The following CNNM3 variants were observed in gnomAD, a reference collection of about 807,000 sequenced individuals.
The protein encoded by CNNM3 is metal transporter CNNM3.
CNNM3 carries 47 observed loss-of-function variants against 57.1 expected under a neutral mutation model. That is an observed-to-expected ratio of 0.82 (90% CI 0.65 to 1.05). The LOEUF (loss-of-function observed/expected upper bound fraction) is 1.05, where lower values mean the gene tolerates loss of function less well. CNNM3 is among the 50% of genes least tolerant of loss of function. The pLI, the probability that CNNM3 is intolerant of heterozygous loss-of-function variation, is 0.00. For missense variants in CNNM3, 957 were observed against 973.7 expected, an observed-to-expected ratio of 0.98 and a Z score of 0.23; for synonymous variants, 507 against 478.2, an observed-to-expected ratio of 1.06 and a Z score of -0.79.
At position 96,819,753 on chromosome 2, in the gene CNNM3, T is replaced by C. The variant is rs192267962; in HGVS notation, c.1225+2251T>C. Among the ~76,000 whole-genome samples, 6 of 152,218 alleles carry C rather than the reference T, an allele frequency of 3.9e-5. No individual in the cohort carries two copies. In the East Asian group the frequency reaches 1.2e-3, roughly 29 times the overall value. ...AGTTGAGCAGTCACCAAGCAGAGAT[T>C]TGGAGCAGCGGAGATGGAAGGGTTG... On this transcript the variant is annotated intron_variant, in intron 1 of 7. Transcript: ENST00000305510.
chr2:96,819,946 A>G (rs533767194), intron 1 of CNNM3, among the ~76,000 whole-genome samples: 1 of 152,274 alleles, frequency 6.6e-6, no homozygotes, highest in African/African-American at 2.4e-5. Flanking sequence ...TGGGGATTCC[A>G]CTTGGGGAAG....
intron 7 of CNNM3, 102 bp downstream of exon 7, chr2:96,829,236 T>C (rs1049485752): frequency 4.4e-6 from 6 of 1,377,658 alleles, no homozygotes; most frequent in Non-Finnish European, 5.7e-6. Context: ...CTCTGTCTTT[T>C]TTCTCTCTTT....
chr2:96,832,243 G>C (rs2079615542), intron 7 of CNNM3: 1 of 985,230 alleles, frequency 1.0e-6, no homozygotes, highest in Non-Finnish European at 1.2e-6. Flanking sequence ...CCTCCACTGT[G>C]GAAAATGGTG....
In CNNM3 at chr2:96,823,017, C is replaced by G. The variant is rs551752372; in HGVS notation, c.1226-2041C>G. Among the ~76,000 whole-genome samples, 16 of 152,276 alleles carry G rather than the reference C, an allele frequency of 1.1e-4. No individual in the cohort carries two copies. In the South Asian group the frequency reaches 1.5e-3, roughly 14 times the overall value. The stretch of plus-strand genomic sequence containing the variant: ...GAGTGGTTCCACTCTGGTGGCTCAG[C>G]AGATGAGAGGTGACCTTGAGTCCCT... On this transcript the variant is annotated intron_variant, in intron 1 of 7. Transcript: ENST00000305510.
chr2:96,819,360 C>T (rs941273543), intron 1 of CNNM3, among the ~76,000 whole-genome samples: 2 of 152,244 alleles, frequency 1.3e-5, no homozygotes, highest in South Asian at 2.1e-4. Flanking sequence ...GAAGGCTGCT[C>T]AGCCTCTTGT....
chr2:96,828,871 T>G (rs188826295), intron 6 of CNNM3, 125 bp from the exon 7 acceptor site: 2 of 1,499,176 alleles, frequency 1.3e-6, no homozygotes, highest in Admixed American at 1.8e-5. Context: ...ACTCAGTTGC[T>G]CTTCTCTGCC....
In CNNM3 at chr2:96,835,158, C is replaced by G. The variant is rs938661412; in HGVS notation, c.*2542C>G. 6.6e-6 allele frequency among the ~76,000 whole-genome samples: 1 copy of G among 152,180 alleles called. No individual in the cohort carries two copies. Among genetic ancestry groups the G allele is most frequent in the African/African-American group, 2.4e-5 (1 of 41,458 alleles). ...TTCATCTCTTCTTATTTTGTCATTT[C>G]AAGAATGTTGTATAAATGGGAGCAT... On this transcript the variant is annotated 3_prime_UTR_variant, in exon 8 of 8. Coordinates refer to ENST00000305510, the MANE Select transcript of CNNM3 (RefSeq NM_017623.5).
At chr2:96,828,039 G>T in intron 4 of CNNM3, 60 bp from the exon 5 acceptor site, 1 of 1,582,438 alleles carries the variant, frequency 6.3e-7, no homozygotes, top group Non-Finnish European at 8.7e-7. Context: ...TCCTTCCGCT[G>T]TCTTCTGACG....
At chr2:96,818,915 G>C (rs2079365666) in intron 1 of CNNM3, among the ~76,000 whole-genome samples, 1 of 152,252 alleles carries the variant, frequency 6.6e-6, no homozygotes, top group Non-Finnish European at 1.5e-5. Flanking sequence ...TCTGTTGAGA[G>C]CCCCTGGCCT....
At chr2:96,821,533 C>T (rs2079406181) in intron 1 of CNNM3, among the ~76,000 whole-genome samples, 1 of 152,162 alleles carries the variant, frequency 6.6e-6, no homozygotes, top group South Asian at 2.1e-4. Context: ...TCAGTGCCAA[C>T]TTGAGATGAC....
Position 96,828,144 on chromosome 2 carries a change from A to G in CNNM3, c.1735A>G (p.Asn579Asp), listed in dbSNP as rs752014107. The G allele has an allele frequency of 2.7e-5, 43 of 1,614,138 alleles. No homozygotes were observed. Among genetic ancestry groups the G allele is most frequent in the Non-Finnish European group, 3.4e-5 (40 of 1,180,026 alleles). ...CGGGAAAGAGGGTCTGAAGTTTGAGAATGGGGCCTTCACGTACTATGGAGT... is the reference window on the plus strand; with the variant it reads ...CGGGAAAGAGGGTCTGAAGTTTGAGGATGGGGCCTTCACGTACTATGGAGT... ...EIGKEGLKFE[N>D]GAFTYYGVSA... Residue 579 changes from asparagine to aspartate, a missense_variant, in exon 5 of 8, where the codon AAT (asparagine) becomes GAT (aspartate). This residue lies in a region of CNNM3 where 491 missense variants were observed against 570.6 expected (regional missense o/e 0.86). Transcript: ENST00000305510.
rs1364439847 is a variant in CNNM3 at position 96,826,834 on chromosome 2, A to C, written c.1371A>C (p.Arg457=). The C allele has an allele frequency of 3.7e-6, 6 of 1,614,118 alleles. No homozygotes were observed. In the Admixed American group the frequency reaches 1.0e-4, roughly 27 times the overall value. ...GCGCGCCCTCTTCTTCCATCTTAGG[A>C]GACACCGTGGTGAAGAGGAAGCCTG... ...SEILDESEDY[R]DTVVKRKPAS... The change falls in exon 3 of 8, where the codon CGA becomes CGC. Residue 457 remains arginine, a splice_region_variant and synonymous_variant. Transcript: ENST00000305510.
chr2:96,817,115 G>C lies in CNNM3; in HGVS notation c.838G>C (p.Ala280Pro). 1.5e-6 allele frequency: 2 copies of C among 1,341,932 alleles called. No individual in the cohort carries two copies. The highest frequency in any genetic ancestry group is 1.9e-6 in the Non-Finnish European group (2 of 1,056,640). 83.1% of individuals were successfully genotyped at this position (1,341,932 alleles called of 1,614,324 possible). Reference protein sequence around the residue: ...ALPVGQLLELAARPGRLRERV... With the variant: ...ALPVGQLLELPARPGRLRERV... ...GCCCGTGGGGCAGCTGCTGGAGCTG[G>C]CGGCGCGGCCCGGGCGGCTGCGGGA... The change falls in exon 1 of 8, where the codon GCG becomes CCG. Residue 280 changes from alanine to proline, a missense_variant. Around this residue, in one of 2 missense-constraint regions of CNNM3, gnomAD observed 466 missense variants for 403.1 expected, o/e 1.16. Transcript: ENST00000305510.
intron 2 of CNNM3, among the ~76,000 whole-genome samples, chr2:96,826,219 T>C (rs1447987376): frequency 1.3e-5 from 2 of 152,080 alleles, no homozygotes; most frequent in African/African-American, 4.8e-5. Context: ...TTTTTAATTT[T>C]TTTTTTTTAT....
chr2:96,836,106 C>CA (rs1218706308), downstream of CNNM3, among the ~76,000 whole-genome samples: 1 of 128,416 alleles, frequency 7.8e-6, no homozygotes, highest in Non-Finnish European at 1.6e-5. Context: ...TTTCCTGAGA[C>CA]AGAGTCTCAC....
chr2:96,832,797 C>T lies in CNNM3; in HGVS notation c.*181C>T, dbSNP rs1368299126. On this transcript the variant is annotated 3_prime_UTR_variant, in exon 8 of 8. Coordinates refer to ENST00000305510, the MANE Select transcript of CNNM3 (RefSeq NM_017623.5). ...GACATCAATGCCTGGATCCTTCAGC[C>T]GGCCCTGCCCTCCTTTAGGAGACAG... is the stretch of plus-strand genomic sequence containing the variant. 1.3e-5 allele frequency: 19 copies of T among 1,498,216 alleles called. No homozygotes were observed. The highest frequency in any genetic ancestry group is 4.2e-5 in the African/African-American group (3 of 71,990). The allele number at this position is 1,498,216 out of a possible 1,614,324, so 92.8% of individuals were successfully genotyped here.
chr2:96,828,190 C>G lies in CNNM3; in HGVS notation c.1781C>G (p.Ser594Cys). 1 of 1,613,726 alleles carries G rather than the reference C, an allele frequency of 6.2e-7. No homozygotes were observed. The highest frequency in any genetic ancestry group is 1.3e-5 in the African/African-American group (1 of 75,026). The change falls in exon 5 of 8, where the codon TCC (serine) becomes TGC (cysteine). Residue 594 changes from serine (S) to cysteine (C), a missense_variant. Around this residue, in one of 2 missense-constraint regions of CNNM3, gnomAD observed 491 missense variants for 570.6 expected, o/e 0.86. Coordinates refer to ENST00000305510, the MANE Select transcript of CNNM3 (RefSeq NM_017623.5). The stretch of plus-strand genomic sequence containing the variant: ...GGAGTGTCGGCCCTAACTGTGCCAT[C>G]CTCGGGTAAGCCACGGCCCTGCTGA... Reference protein sequence around the residue: ...YYGVSALTVPSSVHQSPVSSL... With the variant: ...YYGVSALTVPCSVHQSPVSSL...
chr2:96,834,877 A>G lies in CNNM3; in HGVS notation c.*2261A>G, dbSNP rs189291680. Reference sequence around the variant, plus strand: ...TTTTCCTAACTTTATATTTTGAAATAATTTCAGATGATAGGAAGTTGTAAA... The same window carrying G: ...TTTTCCTAACTTTATATTTTGAAATGATTTCAGATGATAGGAAGTTGTAAA... On this transcript the variant is annotated 3_prime_UTR_variant, in exon 8 of 8. Coordinates refer to ENST00000305510, the MANE Select transcript of CNNM3 (RefSeq NM_017623.5). Among the ~76,000 whole-genome samples, 44 of 152,308 alleles carry G rather than the reference A, an allele frequency of 2.9e-4. No homozygotes were observed. The highest frequency in any genetic ancestry group is 9.4e-4 in the African/African-American group (39 of 41,562).
downstream of CNNM3, chr2:96,837,202 T>TATG (rs1559019710): frequency 1.3e-5 from 2 of 152,248 alleles, no homozygotes; most frequent in Non-Finnish European, 2.9e-5. Flanking sequence ...TAAATTTGTA[T>TATG]ATGAATTTTA....
Sources: gnomAD v4.1 joint callset for allele counts (sites outside exome capture counted in the v4.1 genomes callset) on GRCh38, gnomAD v4.1.1 for gene constraint, gnomAD v4.1.1 regional missense constraint, MANE v1.5 for transcripts, NCBI Gene and HGNC (gene_info 2026-07-23, HGNC 2026-07-21) for gene names.